ALK: variants seen among roughly 807,000 people sequenced by gnomAD.
The protein encoded by ALK is ALK tyrosine kinase receptor.
Under a neutral mutation model 163.1 loss-of-function variants are expected in ALK, and 74 were observed. That is an observed-to-expected ratio of 0.45 (90% CI 0.38 to 0.55). The LOEUF (loss-of-function observed/expected upper bound fraction) is 0.55. ALK is among the 20% of genes least tolerant of loss of function. The probability of loss-of-function intolerance (pLI) is 0.00; values close to 1 mark genes in which losing one functional copy is unlikely to be tolerated. For missense variants in ALK, 2,063 were observed against 2,105.3 expected (o/e 0.98, Z 0.39); for synonymous variants, 960 against 843.2 (o/e 1.14, Z -2.40).
At chr2:29,631,831 C>T (rs2148237528) in intron 3 of ALK, among the ~76,000 whole-genome samples, 1 of 152,342 alleles carries the variant, frequency 6.6e-6, no homozygotes, top group Non-Finnish European at 1.5e-5. Flanking sequence ...AGTCTCCTTG[C>T]TATCTAGCCA....
chr2:29,259,120 A>C (rs1665022610), intron 11 of ALK, among the ~76,000 whole-genome samples: 1 of 152,160 alleles, frequency 6.6e-6, no homozygotes, highest in Admixed American at 6.5e-5. Context: ...CACACTGAGA[A>C]CCATGTCTCT....
chr2:29,383,349 C>T (rs1303422998), intron 5 of ALK, among the ~76,000 whole-genome samples: 2 of 151,702 alleles, frequency 1.3e-5, no homozygotes, highest in Admixed American at 1.3e-4. Context: ...CTGGGTTTCG[C>T]TCTGTTGCCC....
chr2:29,328,313 T>A, intron 6 of ALK, 37 bp downstream of exon 6: 1 of 1,613,922 alleles, frequency 6.2e-7, no homozygotes, highest in Non-Finnish European at 8.5e-7. Flanking sequence ...GAGCATGGGC[T>A]GGGCTCAGGC....
rs772888085 is a variant in ALK at position 29,203,547 on chromosome 2, A to G, written c.3938+3624T>C. On this transcript the variant is annotated intron_variant, in intron 26 of 28. Transcript: ENST00000389048. The stretch of plus-strand genomic sequence containing the variant: ...AGTCTTGCTCTGTCGCCCAGGCTAC[A>G]GTAATCTCAACTCACTGCAACCTCC... 4.8e-5 allele frequency among the ~76,000 whole-genome samples: 5 copies of G among 104,558 alleles called. No homozygotes were observed. The East Asian group carries it at 9.7e-4, about 20-fold the overall frequency. 68.6% of individuals were successfully genotyped at this position (104,558 alleles called of 152,430 possible). A position where few individuals can be genotyped will look rare whatever the true frequency, so the allele number is the denominator to read the frequency against.
At chr2:29,423,797 C>T (rs115555584) in intron 4 of ALK, among the ~76,000 whole-genome samples, 1,689 of 152,268 alleles carry the variant, frequency 0.011, 18 homozygotes, top group African/African-American at 0.039. Flanking sequence ...TACATGGGCA[C>T]ATAAACACAT....
intron 9 of ALK, among the ~76,000 whole-genome samples, chr2:29,292,749 G>A (rs1666068493): frequency 6.6e-6 from 1 of 152,208 alleles, no homozygotes; most frequent in South Asian, 2.1e-4. Context: ...TGGTTGTACA[G>A]TTAACATAAT....
intron 1 of ALK, among the ~76,000 whole-genome samples, chr2:29,730,169 G>T (rs1221901969): frequency 1.3e-5 from 2 of 152,220 alleles, no homozygotes; most frequent in African/African-American, 4.8e-5. Flanking sequence ...AGCAAAGGCT[G>T]TCCTTAGGAA....
chr2:29,406,130 T>A (rs1669575554), intron 4 of ALK, among the ~76,000 whole-genome samples: 1 of 152,100 alleles, frequency 6.6e-6, no homozygotes, highest in Admixed American at 6.5e-5. Flanking sequence ...AGGCCCAGAG[T>A]GACATTTCTC....
intron 3 of ALK, among the ~76,000 whole-genome samples, chr2:29,692,532 C>T (rs767891436): frequency 1.1e-4 from 16 of 152,238 alleles, no homozygotes; most frequent in Non-Finnish European, 1.8e-4. Context: ...CTTGCATGCA[C>T]AGTCTGTGTG....
intron 3 of ALK, among the ~76,000 whole-genome samples, chr2:29,636,884 CACTG>C (rs1457012612): frequency 2.6e-5 from 4 of 152,210 alleles, no homozygotes; most frequent in Non-Finnish European, 5.9e-5. Flanking sequence ...ATTACAACCA[CACTG>C]AGCTATCACC....
At chr2:29,274,557 C>T (rs537231772) in intron 11 of ALK, among the ~76,000 whole-genome samples, 127 of 152,312 alleles carry the variant, frequency 8.3e-4, no homozygotes, top group African/African-American at 2.9e-3. Context: ...CAGAGGCTGA[C>T]GAGTTCTGCT....
At chr2:29,637,733 T>A (rs1558419986) in intron 3 of ALK, among the ~76,000 whole-genome samples, 1 of 118,014 alleles carries the variant, frequency 8.5e-6, no homozygotes, top group Non-Finnish European at 1.7e-5. Context: ...GAGGACTCTT[T>A]GTGGTGCTGG....
At chr2:29,338,952 A>G (rs910866209) in intron 5 of ALK, among the ~76,000 whole-genome samples, 25 of 152,200 alleles carry the variant, frequency 1.6e-4, no homozygotes, top group African/African-American at 6.0e-4. Flanking sequence ...TGGTGAAGAA[A>G]GAGCAACATG....
At chr2:29,523,931 C>T (rs1349326145) in intron 4 of ALK, among the ~76,000 whole-genome samples, 1 of 139,474 alleles carries the variant, frequency 7.2e-6, no homozygotes. Flanking sequence ...AAAGTTGTAC[C>T]TGCCAGGAAA....
At position 29,333,381 on chromosome 2, in the gene ALK, C is replaced by T. The variant is rs559917002; in HGVS notation, c.1283-4900G>A. Among the ~76,000 whole-genome samples, 3 of 152,298 alleles carry T rather than the reference C, an allele frequency of 2.0e-5. No individual in the cohort carries two copies. The East Asian group carries it at 5.8e-4, about 29-fold the overall frequency. On this transcript the variant is annotated intron_variant, in intron 5 of 28. Transcript: ENST00000389048. ...TCCGCCCACCTTGGCCTCCCAAATA[C>T]AGGCATAAGCTATCGTGCCCAGCCT...
intron 5 of ALK, among the ~76,000 whole-genome samples, chr2:29,361,382 C>T (rs62132964): frequency 2.0e-5 from 3 of 152,218 alleles, no homozygotes; most frequent in East Asian, 3.8e-4. Context: ...CACAGAGCTG[C>T]TATTAAACAG....
At chr2:29,631,064 A>G (rs1676356770) in intron 3 of ALK, among the ~76,000 whole-genome samples, 1 of 151,812 alleles carries the variant, frequency 6.6e-6, no homozygotes, top group Non-Finnish European at 1.5e-5. Flanking sequence ...GTACTAACTG[A>G]ATCTACACAA....
chr2:29,482,079 T>C (rs1430764828), intron 4 of ALK, among the ~76,000 whole-genome samples: 5 of 152,146 alleles, frequency 3.3e-5, no homozygotes, highest in Admixed American at 6.5e-5. Context: ...TGCAAACCTG[T>C]AGTATATCCC....
intron 3 of ALK, among the ~76,000 whole-genome samples, chr2:29,674,439 G>T (rs1677809669): frequency 6.6e-6 from 1 of 150,458 alleles, no homozygotes; most frequent in African/African-American, 2.4e-5. Context: ...TAATCATGTG[G>T]TTTTTGTCTT....
Sources: gnomAD v4.1 joint callset for allele counts (sites outside exome capture counted in the v4.1 genomes callset) on GRCh38, gnomAD v4.1.1 for gene constraint, MANE v1.5 for transcripts, NCBI Gene and HGNC (gene_info 2026-07-23, HGNC 2026-07-21) for gene names.